The following LARGE1 variants were observed in gnomAD, a reference collection of about 807,000 sequenced individuals.
LARGE1 encodes the protein xylosyl- and glucuronyltransferase LARGE1.
LARGE1 carries 43 observed loss-of-function variants against 87.6 expected under a neutral mutation model. That is an observed-to-expected ratio of 0.49 (90% CI 0.38 to 0.63). LARGE1 has a LOEUF of 0.63. Ranked by LOEUF, LARGE1 falls within the 30% of genes least tolerant of loss-of-function variation. The pLI is 0.00. For missense variants in LARGE1, 802 were observed against 1,000.2 expected (o/e 0.80, Z 2.67); for synonymous variants, 434 against 394.6 (o/e 1.10, Z -1.18).
the LARGE1 span, among the ~76,000 whole-genome samples, chr22:33,144,534 G>A: frequency 6.6e-6 from 1 of 152,106 alleles, no homozygotes; most frequent in Non-Finnish European, 1.5e-5. Flanking sequence ...AACAGATTCA[G>A]TGCTGTCAAG....
chr22:33,203,299 C>T (rs962522440), intron 11 of LARGE1, among the ~76,000 whole-genome samples: 1 of 152,138 alleles, frequency 6.6e-6, no homozygotes, highest in Non-Finnish European at 1.5e-5. Flanking sequence ...CATTAAAATT[C>T]TGAGCTACTG....
At chr22:33,313,949 T>C (rs1216587600) in intron 11 of LARGE1, among the ~76,000 whole-genome samples, 2 of 152,206 alleles carry the variant, frequency 1.3e-5, no homozygotes, top group African/African-American at 4.8e-5. Context: ...AGAAAACGAA[T>C]GGGGTGCCTG....
At chr22:33,550,664 T>C (rs189276417) in intron 6 of LARGE1, among the ~76,000 whole-genome samples, 5 of 152,166 alleles carry the variant, frequency 3.3e-5, no homozygotes, top group African/African-American at 9.6e-5. Flanking sequence ...ACAATAGAAC[T>C]ACCATTCAAT....
chr22:33,484,253 T>C (rs544099578), intron 6 of LARGE1, among the ~76,000 whole-genome samples: 7 of 152,278 alleles, frequency 4.6e-5, no homozygotes, highest in Admixed American at 1.3e-4. Context: ...CTAGGTGCTA[T>C]GGGTGATTCA....
intron 4 of LARGE1, among the ~76,000 whole-genome samples, chr22:33,616,122 CATAAAA>C (rs149703907): frequency 0.01 from 1,577 of 152,152 alleles, 29 homozygotes; most frequent in African/African-American, 0.036. Flanking sequence ...AAAAATTAAG[CATAAAA>C]ATAAAAATAT....
In LARGE1 at chr22:33,909,683, C is replaced by T. The variant is rs923053964; in HGVS notation, c.-83+10312G>A. The stretch of plus-strand genomic sequence containing the variant: ...CCTCCCGAGTAGCTGGGACTACAGG[C>T]GCCCGCCACCACGCCCAGCTAATTT... On this transcript the variant is annotated intron_variant, in intron 1 of 14. Transcript: ENST00000397394. Among the ~76,000 whole-genome samples, 5 of 152,128 alleles carry T rather than the reference C, an allele frequency of 3.3e-5. No individual in the cohort carries two copies. In the South Asian group the frequency reaches 8.3e-4, roughly 25 times the overall value.
At chr22:33,119,496 G>A in the LARGE1 span, among the ~76,000 whole-genome samples, 1 of 152,200 alleles carries the variant, frequency 6.6e-6, no homozygotes, top group Non-Finnish European at 1.5e-5. Flanking sequence ...ATAGGTTTGA[G>A]TAGGGTGGCG....
At chr22:33,561,125 T>C (rs1388406602) in intron 6 of LARGE1, among the ~76,000 whole-genome samples, 1 of 152,236 alleles carries the variant, frequency 6.6e-6, no homozygotes, top group Non-Finnish European at 1.5e-5. Context: ...CTTTCAAGTG[T>C]GCAAAGCTTC....
chr22:33,253,349 A>G (rs1462817439), intron 11 of LARGE1, among the ~76,000 whole-genome samples: 4 of 152,226 alleles, frequency 2.6e-5, no homozygotes, highest in Non-Finnish European at 5.9e-5. Flanking sequence ...GAGTAGCACT[A>G]TGTGTCTCAG....
chr22:33,665,551 A>G (rs1401121221), intron 2 of LARGE1, among the ~76,000 whole-genome samples: 1 of 152,188 alleles, frequency 6.6e-6, no homozygotes, highest in Non-Finnish European at 1.5e-5. Flanking sequence ...ATTATCTTAT[A>G]TAGTGATTTC....
chr22:33,714,031 C>CATAACATAAT (rs1189068227), intron 2 of LARGE1, among the ~76,000 whole-genome samples: 108 of 147,490 alleles, frequency 7.3e-4, no homozygotes, highest in Non-Finnish European at 1.1e-3. Flanking sequence ...CATAACATAA[C>CATAACATAAT]ATAAAACAAA....
chr22:33,556,776 G>C (rs1356390375), intron 6 of LARGE1, among the ~76,000 whole-genome samples: 1 of 151,972 alleles, frequency 6.6e-6, no homozygotes. Flanking sequence ...GGGAGGCAGA[G>C]GTGGGCAGAT....
chr22:33,786,050 ATTATTT>A (rs1726329835), intron 1 of LARGE1, among the ~76,000 whole-genome samples: 1 of 152,148 alleles, frequency 6.6e-6, no homozygotes, highest in Non-Finnish European at 1.5e-5. Context: ...CAGCATCTTT[ATTATTT>A]TTATTTTTTT....
At chr22:33,823,663 T>C (rs1405974911) in intron 1 of LARGE1, among the ~76,000 whole-genome samples, 2 of 152,166 alleles carry the variant, frequency 1.3e-5, no homozygotes, top group Admixed American at 6.5e-5. Flanking sequence ...AGTGTGACTG[T>C]AGACAGATGC....
intron 7 of LARGE1, among the ~76,000 whole-genome samples, chr22:33,431,185 G>T (rs954203239): frequency 2.0e-5 from 3 of 152,226 alleles, no homozygotes; most frequent in Non-Finnish European, 4.4e-5. Context: ...GATAGACACT[G>T]ATGGGAATTG....
intron 9 of LARGE1, among the ~76,000 whole-genome samples, chr22:33,377,849 AT>A (rs1205628771): frequency 1.3e-5 from 2 of 152,152 alleles, no homozygotes; most frequent in East Asian, 3.8e-4. Flanking sequence ...TGTTTAACAT[AT>A]CCATTTAATT....
chr22:33,135,321 A>C, the LARGE1 span, among the ~76,000 whole-genome samples: 16 of 152,196 alleles, frequency 1.1e-4, no homozygotes, highest in African/African-American at 3.9e-4. Context: ...CTGGATATCC[A>C]GGTGTTGTCC....
intron 9 of LARGE1, among the ~76,000 whole-genome samples, chr22:33,378,221 T>C (rs1261879415): frequency 6.6e-6 from 1 of 152,222 alleles, no homozygotes; most frequent in East Asian, 1.9e-4. Context: ...ATTTTTAATT[T>C]TTTTTCTTTC....
At chr22:33,478,779 T>TC (rs3216421) in intron 6 of LARGE1, among the ~76,000 whole-genome samples, 31,151 of 152,070 alleles carry the variant, frequency 0.2, 3,267 homozygotes, top group East Asian at 0.28. Context: ...TTCTTTCTTC[T>TC]CTTAGTTCCA....
Sources: gnomAD v4.1 joint callset for allele counts (sites outside exome capture counted in the v4.1 genomes callset) on GRCh38, gnomAD v4.1.1 for gene constraint, MANE v1.5 for transcripts, NCBI Gene and HGNC (gene_info 2026-07-23, HGNC 2026-07-21) for gene names.